SV2C: variants seen among roughly 807,000 people sequenced by gnomAD.
The protein encoded by SV2C is solute carrier family 22 member B3.
Under a neutral mutation model 79.7 loss-of-function variants are expected in SV2C, and 49 were observed. The observed-to-expected ratio is 0.61, with a 90% confidence interval of 0.49 to 0.78. The LOEUF (loss-of-function observed/expected upper bound fraction) is 0.78. SV2C is among the 30% of genes least tolerant of loss of function. The probability of loss-of-function intolerance (pLI) is 0.00; values close to 1 mark genes in which losing one functional copy is unlikely to be tolerated. For missense variants in SV2C, 833 were observed against 912.9 expected (o/e 0.91, Z 1.13); for synonymous variants, 334 against 333.2 (o/e 1.00, Z -0.03).
the SV2C span, among the ~76,000 whole-genome samples, chr5:76,046,106 C>CA: frequency 0.022 from 3,288 of 152,174 alleles, 127 homozygotes; most frequent in African/African-American, 0.076. Context: ...GAAGGTGACA[C>CA]AAAAAATTAG....
At chr5:76,295,723 C>T in intron 8 of SV2C, 55 bp from the exon 9 acceptor site, 1 of 1,556,752 alleles carries the variant, frequency 6.4e-7, no homozygotes, top group Non-Finnish European at 8.7e-7. Flanking sequence ...GGGAGTTGCT[C>T]ATTGCCTCTG....
chr5:76,319,425 A>T (rs1748749443), intron 12 of SV2C, among the ~76,000 whole-genome samples: 1 of 152,188 alleles, frequency 6.6e-6, no homozygotes, highest in Admixed American at 6.5e-5. Context: ...CTCAAAAAAA[A>T]AGAAAAAAAG....
the SV2C span, among the ~76,000 whole-genome samples, chr5:76,036,479 T>G: frequency 7.8e-4 from 118 of 152,038 alleles, no homozygotes; most frequent in Middle Eastern, 6.8e-3. Flanking sequence ...GTCTGTAAAG[T>G]ATTTTATTTC....
chr5:75,896,553 AT>A, the SV2C span, among the ~76,000 whole-genome samples: 1 of 152,012 alleles, frequency 6.6e-6, no homozygotes, highest in Non-Finnish European at 1.5e-5. Flanking sequence ...CAACAGCATG[AT>A]TTATAGTCCT....
Position 76,325,723 on chromosome 5 carries a change from C to A in SV2C, c.*176C>A. Reference sequence around the variant, plus strand: ...CATCTTGCCCCTTTGTGATTTTGCACAGGTTGTTTGTTTGTTTTGTTTTGT... The same window carrying A: ...CATCTTGCCCCTTTGTGATTTTGCAAAGGTTGTTTGTTTGTTTTGTTTTGT... On this transcript the variant is annotated 3_prime_UTR_variant, in exon 13 of 13. Transcript: ENST00000502798. 1.1e-6 allele frequency: 1 copy of A among 893,642 alleles called. No individual in the cohort carries two copies. Among genetic ancestry groups the A allele is most frequent in the Non-Finnish European group, 1.6e-6 (1 of 619,738 alleles). 55.4% of individuals were successfully genotyped at this position (893,642 alleles called of 1,614,324 possible). A position where few individuals can be genotyped will look rare whatever the true frequency, so the allele number is the denominator to read the frequency against.
intron 2 of SV2C, among the ~76,000 whole-genome samples, chr5:76,145,110 T>C (rs919723206): frequency 2.0e-5 from 3 of 152,148 alleles, no homozygotes; most frequent in African/African-American, 7.2e-5. Flanking sequence ...ATAGCTGCCC[T>C]CTCCAGGAGT....
At chr5:76,203,627 C>T (rs1744521583) in intron 3 of SV2C, among the ~76,000 whole-genome samples, 2 of 152,048 alleles carry the variant, frequency 1.3e-5, no homozygotes, top group South Asian at 4.2e-4. Context: ...GGGGTTAGGC[C>T]ACCAATCTGA....
At chr5:76,238,027 T>TAC (rs796926428) in intron 4 of SV2C, among the ~76,000 whole-genome samples, 10,157 of 122,496 alleles carry the variant, frequency 0.083, 392 homozygotes, top group African/African-American at 0.1. Flanking sequence ...CAATCACACA[T>TAC]ACACACACAC....
At chr5:76,350,330 A>T (rs1271749322) in intron 12 of SV2C, among the ~76,000 whole-genome samples, 1 of 152,104 alleles carries the variant, frequency 6.6e-6, no homozygotes, top group African/African-American at 2.4e-5. Flanking sequence ...AGGAAGAAGA[A>T]GGGATATGGG....
chr5:75,969,135 T>C, the SV2C span, among the ~76,000 whole-genome samples: 4 of 152,190 alleles, frequency 2.6e-5, no homozygotes, highest in Non-Finnish European at 4.4e-5. Context: ...TGAGAGATTT[T>C]GTCACCACCA....
At chr5:75,945,683 A>G in the SV2C span, among the ~76,000 whole-genome samples, 1 of 152,102 alleles carries the variant, frequency 6.6e-6, no homozygotes, top group Non-Finnish European at 1.5e-5. Context: ...CTTAGACCAT[A>G]GAACAAACCT....
At chr5:76,060,522 G>C in the SV2C span, among the ~76,000 whole-genome samples, 2 of 152,100 alleles carry the variant, frequency 1.3e-5, no homozygotes, top group Non-Finnish European at 2.9e-5. Context: ...ACCTCTGCTA[G>C]CTTCAAACTT....
chr5:75,980,604 GA>G, the SV2C span, among the ~76,000 whole-genome samples: 3 of 151,210 alleles, frequency 2.0e-5, no homozygotes, highest in African/African-American at 7.3e-5. Context: ...AGAACTAAAG[GA>G]AAAAAAATAT....
the SV2C span, among the ~76,000 whole-genome samples, chr5:76,016,674 G>A: frequency 6.6e-6 from 1 of 152,124 alleles, no homozygotes; most frequent in African/African-American, 2.4e-5. Context: ...ACAACATAAA[G>A]CATCCTATTC....
chr5:76,260,670 G>T (rs34059495), intron 4 of SV2C, among the ~76,000 whole-genome samples: 67,729 of 152,010 alleles, frequency 0.45, 15,597 homozygotes, highest in South Asian at 0.54. Flanking sequence ...TGGCTAGCCA[G>T]TTTTCCCAGT....
chr5:76,194,803 A>C, intron 2 of SV2C, 116 bp from the exon 3 acceptor site: 1 of 1,251,262 alleles, frequency 8.0e-7, no homozygotes, highest in South Asian at 1.5e-5. Context: ...ATATTTTTAA[A>C]GGAAATTTTC....
At chr5:76,267,456 C>T (rs547260022) in intron 4 of SV2C, among the ~76,000 whole-genome samples, 1 of 152,210 alleles carries the variant, frequency 6.6e-6, no homozygotes, top group Admixed American at 6.5e-5. Context: ...TGGCCTGTAC[C>T]TTTCATGCCT....
chr5:76,111,439 G>A (rs1372386168), intron 1 of SV2C, among the ~76,000 whole-genome samples: 1 of 152,156 alleles, frequency 6.6e-6, no homozygotes, highest in Non-Finnish European at 1.5e-5. Flanking sequence ...AGAAGGTAAA[G>A]TGAGGCACTT....
At chr5:76,019,574 A>T in the SV2C span, among the ~76,000 whole-genome samples, 1 of 152,192 alleles carries the variant, frequency 6.6e-6, no homozygotes, top group African/African-American at 2.4e-5. Flanking sequence ...TACAGTGTCA[A>T]AATTGGATAT....
Sources: allele counts gnomAD v4.1 joint callset (sites outside exome capture counted in the v4.1 genomes callset), GRCh38; gene constraint gnomAD v4.1.1; transcripts MANE v1.5; gene names NCBI Gene and HGNC (gene_info 2026-07-23, HGNC 2026-07-21).